PIEZO2: variants seen among roughly 807,000 people sequenced by gnomAD.
PIEZO2 encodes piezo-type mechanosensitive ion channel component 2.
Under a neutral mutation model 337.3 loss-of-function variants are expected in PIEZO2, and 172 were observed. The ratio of observed to expected loss-of-function variants is 0.51; its 90% CI spans 0.45 to 0.58. The LOEUF (loss-of-function observed/expected upper bound fraction) is 0.58, where lower values mean the gene tolerates loss of function less well. PIEZO2 is among the 20% of genes least tolerant of loss of function. PIEZO2 has a pLI of 0.00. For synonymous variants in PIEZO2, 1,251 were observed against 1,228.5 expected, an observed-to-expected ratio of 1.02 and a Z score of -0.38; for missense variants, 3,028 against 3,391.3, an observed-to-expected ratio of 0.89 and a Z score of 2.66.
At position 10,726,473 on chromosome 18, in the gene PIEZO2, G is replaced by A. The variant is rs956315037; in HGVS notation, c.5029+4934C>T. 3 of 1,526,212 alleles carry A rather than the reference G, an allele frequency of 2.0e-6. No individual in the cohort carries two copies. The highest frequency in any genetic ancestry group is 1.4e-5 in the African/African-American group (1 of 72,796). The allele number at this position is 1,526,212 out of a possible 1,614,324, so 94.5% of individuals were successfully genotyped here. On this transcript the variant is annotated intron_variant, in intron 36 of 55. Coordinates refer to ENST00000674853, the MANE Select transcript of PIEZO2 (RefSeq NM_001378183.1). The surrounding 1 kb of genome is among the most constrained non-coding windows in gnomAD (Gnocchi z 5.9). ...CGGCGAACCCCACGAGGAGGGCCTG[G>A]CCACCCTGCACAGCGTGCTGCTCCG... is the stretch of plus-strand genomic sequence containing the variant.
chr18:10,856,903 C>T lies in PIEZO2; in HGVS notation c.703+98G>A. On this transcript the variant is annotated intron_variant, in intron 6 of 55. Transcript: ENST00000674853. The surrounding 1 kb of genome is among the most constrained non-coding windows in gnomAD (Gnocchi z 4.7). Reference sequence around the variant, plus strand: ...CAGTTATGATATTCATGTGGTGGAACAGACTGTTTCCTTCATTTCTTCTTC... The same window carrying T: ...CAGTTATGATATTCATGTGGTGGAATAGACTGTTTCCTTCATTTCTTCTTC... 9.0e-7 allele frequency: 1 copy of T among 1,110,332 alleles called. No homozygotes were observed. The highest frequency in any genetic ancestry group is 1.3e-6 in the Non-Finnish European group (1 of 771,794). The allele number at this position is 1,110,332 out of a possible 1,614,324, so 68.8% of individuals were successfully genotyped here.
In PIEZO2 at chr18:10,982,790, G is replaced by A. The variant is rs113932287; in HGVS notation, c.161-3130C>T. Among the ~76,000 whole-genome samples, 64 of 151,932 alleles carry A rather than the reference G, an allele frequency of 4.2e-4. No individual in the cohort carries two copies. Among genetic ancestry groups the A allele is most frequent in the African/African-American group, 1.3e-3 (55 of 41,436 alleles). ...GGCTGGAGTGAAGTGGCATGATGTC[G>A]GCTTACTGCAACTTCCACCTCCCAG... On this transcript the variant is annotated intron_variant, in intron 2 of 55. Coordinates refer to ENST00000674853, the MANE Select transcript of PIEZO2 (RefSeq NM_001378183.1). The surrounding 1 kb of genome is among the most constrained non-coding windows in gnomAD (Gnocchi z 4.1).
chr18:10,843,885 G>A (rs1050995139), intron 7 of PIEZO2, among the ~76,000 whole-genome samples: 5 of 152,216 alleles, frequency 3.3e-5, no homozygotes, highest in Non-Finnish European at 7.3e-5. Context: ...CCCTCATGCA[G>A]GCTCAAATTG....
intron 2 of PIEZO2, among the ~76,000 whole-genome samples, chr18:11,017,619 G>A (rs2036162744): frequency 6.6e-6 from 1 of 152,030 alleles, no homozygotes; most frequent in African/African-American, 2.4e-5. Context: ...GTTTATGGGT[G>A]TTGTACTGCA....
intron 2 of PIEZO2, among the ~76,000 whole-genome samples, chr18:11,046,085 C>G (rs1332289245): frequency 6.6e-6 from 1 of 152,190 alleles, no homozygotes; most frequent in Non-Finnish European, 1.5e-5. Context: ...TGTCCCCTAA[C>G]CTCCTCCCCC....
intron 2 of PIEZO2, among the ~76,000 whole-genome samples, chr18:10,995,270 T>A (rs1011966782): frequency 6.6e-6 from 1 of 152,148 alleles, no homozygotes; most frequent in African/African-American, 2.4e-5. Context: ...CATCTGTATA[T>A]CTTCTGAGAA....
intron 2 of PIEZO2, among the ~76,000 whole-genome samples, chr18:11,011,388 T>C (rs2035895390): frequency 6.6e-6 from 1 of 152,228 alleles, no homozygotes; most frequent in Non-Finnish European, 1.5e-5. Context: ...ATGCCGTGTT[T>C]GACTTTTATC....
chr18:10,993,335 T>C lies in PIEZO2; in HGVS notation c.161-13675A>G, dbSNP rs944879348. 6.6e-6 allele frequency among the ~76,000 whole-genome samples: 1 copy of C among 152,198 alleles called. No homozygotes were observed. The highest frequency in any genetic ancestry group is 1.5e-5 in the Non-Finnish European group (1 of 68,032). On this transcript the variant is annotated intron_variant, in intron 2 of 55. Coordinates refer to ENST00000674853, the MANE Select transcript of PIEZO2 (RefSeq NM_001378183.1). This position sits in a 1 kb window ranked among gnomAD's most constrained non-coding sequence, Gnocchi z 5.0. ...AGTTTTTGCCCATTCAGTATGATAT[T>C]GCCTGTGGGCCTATCATAAACAGCT... is the stretch of plus-strand genomic sequence containing the variant.
chr18:10,701,794 A>T, intron 43 of PIEZO2, 195 bp downstream of exon 43: 1 of 450,488 alleles, frequency 2.2e-6, no homozygotes, highest in East Asian at 3.6e-5. Context: ...TGTTGGAAAA[A>T]ATGTCAGCTA....
rs114787611 is a variant in PIEZO2 at position 10,798,028 on chromosome 18, G to A, written c.1379-506C>T. On this transcript the variant is annotated intron_variant, in intron 11 of 55. Coordinates refer to ENST00000674853, the MANE Select transcript of PIEZO2 (RefSeq NM_001378183.1). ...TAAACAGCCCTATGGGGAGCCCCAG[G>A]TGTGAGAACTGATGGCTCTGCCAGC... Among the ~76,000 whole-genome samples the A allele has an allele frequency of 6.2e-3, 938 of 152,322 alleles. 11 individuals are homozygous for A. Among genetic ancestry groups the A allele is most frequent in the African/African-American group, 0.021 (865 of 41,570 alleles).
At chr18:10,867,070 C>T (rs1278354090) in intron 5 of PIEZO2, among the ~76,000 whole-genome samples, 1 of 152,220 alleles carries the variant, frequency 6.6e-6, no homozygotes, top group Admixed American at 6.5e-5. Context: ...TCCATTCACA[C>T]TAAGTCATGA....
rs1276706333 is a variant in PIEZO2 at position 10,775,281 on chromosome 18, T to A, written c.2535-1243A>T. 6.6e-6 allele frequency among the ~76,000 whole-genome samples: 1 copy of A among 152,192 alleles called. No homozygotes were observed. Among genetic ancestry groups the A allele is most frequent in the Non-Finnish European group, 1.5e-5 (1 of 68,036 alleles). On this transcript the variant is annotated intron_variant, in intron 18 of 55. Transcript: ENST00000674853. This position sits in a 1 kb window ranked among gnomAD's most constrained non-coding sequence, Gnocchi z 4.3. Reference sequence around the variant, plus strand: ...TTGCAACCCATATCTTCTATACCAGTGCCACACACCAAATCTCAGGGAACA... The same window carrying A: ...TTGCAACCCATATCTTCTATACCAGAGCCACACACCAAATCTCAGGGAACA...
At chr18:10,758,191 T>C in intron 26 of PIEZO2, 57 bp from the exon 27 acceptor site, 16 of 1,491,060 alleles carry the variant, frequency 1.1e-5, no homozygotes, top group Non-Finnish European at 1.4e-5. Context: ...ATTTACATAA[T>C]GCAACACACA....
At chr18:10,825,119 C>T (rs2040630164) in intron 7 of PIEZO2, among the ~76,000 whole-genome samples, 1 of 152,176 alleles carries the variant, frequency 6.6e-6, no homozygotes, top group Non-Finnish European at 1.5e-5. Flanking sequence ...TCGCCTCGGC[C>T]TCCCAAAGTG....
At chr18:10,986,205 A>G (rs72868846) in intron 2 of PIEZO2, among the ~76,000 whole-genome samples, 15,878 of 152,012 alleles carry the variant, frequency 0.1, 1,029 homozygotes, top group East Asian at 0.18. Context: ...AAAAAGTTAA[A>G]GGGGAGGAAA....
chr18:11,141,931 C>T (rs1281937296), intron 1 of PIEZO2, among the ~76,000 whole-genome samples: 1 of 152,144 alleles, frequency 6.6e-6, no homozygotes, highest in Non-Finnish European at 1.5e-5. Context: ...GCAGAACTAA[C>T]CTCATAGATA....
At chr18:11,113,997 T>A (rs2146161255) in intron 1 of PIEZO2, among the ~76,000 whole-genome samples, 1 of 152,390 alleles carries the variant, frequency 6.6e-6, no homozygotes, top group Middle Eastern at 3.4e-3. Context: ...TATGACAACG[T>A]TGTTGATGAA....
chr18:11,136,802 A>G (rs1487590014), intron 1 of PIEZO2, among the ~76,000 whole-genome samples: 1 of 152,100 alleles, frequency 6.6e-6, no homozygotes, highest in Non-Finnish European at 1.5e-5. Context: ...CCTTTTATGG[A>G]TAATAGAATT....
chr18:10,991,229 C>T (rs1465827014), intron 2 of PIEZO2, among the ~76,000 whole-genome samples: 1 of 150,078 alleles, frequency 6.7e-6, no homozygotes, highest in Non-Finnish European at 1.5e-5. Flanking sequence ...CACACACACA[C>T]ACACATTTTT....
Sources: allele counts gnomAD v4.1 joint callset (sites outside exome capture counted in the v4.1 genomes callset), GRCh38; gene constraint gnomAD v4.1.1; non-coding constraint Gnocchi (gnomAD v3.1); transcripts MANE v1.5; gene names NCBI Gene and HGNC (gene_info 2026-07-23, HGNC 2026-07-21).